STK3: variants seen among roughly 807,000 people sequenced by gnomAD.
STK3 encodes the protein serine/threonine kinase 3.
In STK3, 41 loss-of-function variants were observed where a neutral mutation model predicts 58.0. The ratio of observed to expected loss-of-function variants is 0.71; its 90% CI spans 0.55 to 0.92. The LOEUF is 0.92. STK3 is among the 40% of genes least tolerant of loss of function. STK3 has a pLI of 0.00. For synonymous variants in STK3, 170 were observed against 191.0 expected (o/e 0.89, Z 0.91); for missense variants, 479 against 602.7 (o/e 0.79, Z 2.15).
intron 4 of STK3, among the ~76,000 whole-genome samples, chr8:98,737,488 T>C (rs1037047149): frequency 5.3e-5 from 8 of 151,884 alleles, no homozygotes; most frequent in African/African-American, 1.9e-4. Context: ...GAATAGAAAA[T>C]AAATAAGCAA....
At chr8:98,926,203 G>T (rs950680956) in intron 1 of STK3, among the ~76,000 whole-genome samples, 3 of 152,170 alleles carry the variant, frequency 2.0e-5, no homozygotes, top group Non-Finnish European at 4.4e-5. Flanking sequence ...TAAGGGTTGG[G>T]GGGAGAGCAG....
chr8:98,460,301 G>A (rs1819849645), intron 10 of STK3, among the ~76,000 whole-genome samples: 1 of 152,174 alleles, frequency 6.6e-6, no homozygotes. Flanking sequence ...CTTTGTTTTG[G>A]CCAATTTCTC....
At chr8:98,831,388 G>A (rs1835530110) in intron 3 of STK3, among the ~76,000 whole-genome samples, 1 of 152,232 alleles carries the variant, frequency 6.6e-6, no homozygotes, top group East Asian at 1.9e-4. Flanking sequence ...AAGTAGCCGG[G>A]ACTATAGGCA....
intron 6 of STK3, among the ~76,000 whole-genome samples, chr8:98,610,150 C>A: frequency 6.6e-6 from 1 of 151,072 alleles, no homozygotes; most frequent in African/African-American, 2.4e-5. Context: ...CCAATACCCC[C>A]ATCCAAAGGA....
chr8:98,490,669 C>T (rs190335740), intron 10 of STK3, among the ~76,000 whole-genome samples: 24 of 152,278 alleles, frequency 1.6e-4, no homozygotes, highest in Middle Eastern at 3.4e-3. Flanking sequence ...AATCATTAAA[C>T]GGATGGTTCT....
At chr8:98,651,430 G>C (rs1820918382) in intron 6 of STK3, 1 of 152,336 alleles carries the variant, frequency 6.6e-6, no homozygotes, top group South Asian at 2.1e-4. Context: ...AAAAAGCAGA[G>C]TGCCTATCCT....
At chr8:98,694,349 A>G (rs1296425958) in intron 6 of STK3, among the ~76,000 whole-genome samples, 2 of 151,884 alleles carry the variant, frequency 1.3e-5, no homozygotes, top group Non-Finnish European at 2.9e-5. Flanking sequence ...TTAGGCTAAA[A>G]TAATTCTTTT....
At chr8:98,643,695 A>G (rs980687660) in intron 6 of STK3, among the ~76,000 whole-genome samples, 2 of 152,222 alleles carry the variant, frequency 1.3e-5, no homozygotes, top group African/African-American at 2.4e-5. Context: ...CTGATGCACA[A>G]CAAATATTTG....
chr8:98,512,845 A>T (rs1207101370), intron 10 of STK3, among the ~76,000 whole-genome samples: 1 of 152,134 alleles, frequency 6.6e-6, no homozygotes, highest in African/African-American at 2.4e-5. Flanking sequence ...GATTTTCCAG[A>T]TCAGTGGTGT....
At position 98,921,809 on chromosome 8, in the gene STK3, A is replaced by G. The variant is rs995689327; in HGVS notation, c.-79+20569T>C. On this transcript the variant is annotated intron_variant, in intron 1 of 1. Transcript: ENST00000519420. ...CGGGTTCAAGCGATTCTCCTGCCTC[A>G]GCCTCCCAAGCACCTGGGACTACAG... Among the ~76,000 whole-genome samples, 10 of 152,096 alleles carry G rather than the reference A, an allele frequency of 6.6e-5. No individual in the cohort carries two copies. In the East Asian group the frequency reaches 1.7e-3, roughly 26 times the overall value.
chr8:98,503,614 T>C (rs903867861), intron 10 of STK3, among the ~76,000 whole-genome samples: 6 of 152,212 alleles, frequency 3.9e-5, no homozygotes, highest in African/African-American at 1.4e-4. Context: ...TTTGTTCTCA[T>C]TGGTTTCAAA....
chr8:98,693,904 G>A (rs2130966579), intron 6 of STK3, among the ~76,000 whole-genome samples: 1 of 152,046 alleles, frequency 6.6e-6, no homozygotes, highest in Non-Finnish European at 1.5e-5. Context: ...TTTGGTGTTG[G>A]GTTTTTTTAA....
intron 6 of STK3, among the ~76,000 whole-genome samples, chr8:98,634,371 A>G (rs1819481129): frequency 1.3e-5 from 2 of 152,066 alleles, no homozygotes; most frequent in African/African-American, 4.8e-5. Context: ...GTGGTGGTGC[A>G]TGCCTGTAGT....
At chr8:98,774,401 G>T (rs910930873) in intron 2 of STK3, among the ~76,000 whole-genome samples, 1 of 151,668 alleles carries the variant, frequency 6.6e-6, no homozygotes, top group Non-Finnish European at 1.5e-5. Flanking sequence ...AGATCTAAAA[G>T]GATGGCCTTA....
chr8:98,500,723 A>G (rs1454573301), intron 10 of STK3, among the ~76,000 whole-genome samples: 2 of 152,156 alleles, frequency 1.3e-5, no homozygotes, highest in African/African-American at 2.4e-5. Flanking sequence ...CCATGTCCCT[A>G]CAAAGGACAT....
At chr8:98,626,942 T>A (rs940761587) in intron 6 of STK3, among the ~76,000 whole-genome samples, 1 of 152,216 alleles carries the variant, frequency 6.6e-6, no homozygotes, top group Non-Finnish European at 1.5e-5. Context: ...CAAAAGATAA[T>A]GTTTGTTGAG....
intron 3 of STK3, among the ~76,000 whole-genome samples, chr8:98,848,561 A>G (rs539869714): frequency 1.9e-4 from 29 of 152,204 alleles, no homozygotes; most frequent in African/African-American, 6.7e-4. Flanking sequence ...GTCTCTACAG[A>G]TTTACCTATT....
intron 10 of STK3, among the ~76,000 whole-genome samples, chr8:98,508,687 G>C (rs535329343): frequency 2.6e-5 from 4 of 152,022 alleles, no homozygotes; most frequent in Non-Finnish European, 5.9e-5. Flanking sequence ...GGCTGTGGCT[G>C]GTTATGTTTT....
At chr8:98,868,943 C>T (rs1837247048) in intron 3 of STK3, among the ~76,000 whole-genome samples, 1 of 150,198 alleles carries the variant, frequency 6.7e-6, no homozygotes. Flanking sequence ...TGCCATTGCA[C>T]TCCAGCTTGC....
Sources: allele counts gnomAD v4.1 joint callset (sites outside exome capture counted in the v4.1 genomes callset), GRCh38; gene constraint gnomAD v4.1.1; transcripts MANE v1.5; gene names NCBI Gene and HGNC (gene_info 2026-07-23, HGNC 2026-07-21).